SGTB: variants seen among roughly 807,000 people sequenced by gnomAD.
SGTB encodes small glutamine-rich tetratricopeptide repeat-containing protein beta.
In SGTB, 19 loss-of-function variants were observed where a neutral mutation model predicts 43.9. The ratio of observed to expected loss-of-function variants is 0.43; its 90% CI spans 0.30 to 0.63. The LOEUF (loss-of-function observed/expected upper bound fraction) is 0.63. Among genes scored for constraint, SGTB ranks in the 30% least tolerant of loss-of-function variants. SGTB has a pLI of 0.12. For synonymous variants in SGTB, 116 were observed against 117.3 expected (o/e 0.99, Z 0.07); for missense variants, 304 against 358.9 (o/e 0.85, Z 1.24).
chr5:65,675,643 A>G (rs182668971), intron 8 of SGTB, among the ~76,000 whole-genome samples: 33 of 152,322 alleles, frequency 2.2e-4, no homozygotes, highest in African/African-American at 6.5e-4. Flanking sequence ...CTAACAGCAG[A>G]TCTCTCAGCA....
intron 5 of SGTB, 139 bp from the exon 6 acceptor site, chr5:65,685,611 G>T: frequency 1.7e-6 from 1 of 605,596 alleles, no homozygotes; most frequent in Non-Finnish European, 2.8e-6. Flanking sequence ...AACTGTCTAA[G>T]ATAATTATGT....
intron 5 of SGTB, among the ~76,000 whole-genome samples, chr5:65,698,228 AT>A (rs1312760115): frequency 6.6e-6 from 1 of 152,306 alleles, no homozygotes; most frequent in South Asian, 2.1e-4. Context: ...AGATTTATGC[AT>A]TTTTTGTAAG....
At position 65,707,395 on chromosome 5, in the gene SGTB, T is replaced by TACACACACAC. The variant is rs35011866; in HGVS notation, c.274+1084_274+1093dup. Among the ~76,000 whole-genome samples, 542 of 133,676 alleles carry TACACACACAC rather than the reference T, an allele frequency of 4.1e-3. 4 individuals carry two copies. The highest frequency in any genetic ancestry group is 0.012 in the African/African-American group (432 of 35,874). 87.7% of individuals were successfully genotyped at this position (133,676 alleles called of 152,430 possible). On this transcript the variant is annotated intron_variant, in intron 4 of 10. Coordinates refer to ENST00000381007, the MANE Select transcript of SGTB (RefSeq NM_019072.3). ...CCTTTTTAGATACCAGCTGATTTTA[T>TACACACACAC]ACACACACACACACACACACACACA...
intron 5 of SGTB, among the ~76,000 whole-genome samples, chr5:65,691,934 G>GAA (rs70983684): frequency 2.4e-4 from 22 of 89,862 alleles, no homozygotes; most frequent in Non-Finnish European, 4.4e-4. Flanking sequence ...TCGTCTTAAA[G>GAA]AAAAAAAAAA....
rs568605787 is a variant in SGTB at position 65,690,885 on chromosome 5, C to T, written c.375-5413G>A. 2.6e-5 allele frequency among the ~76,000 whole-genome samples: 4 copies of T among 152,278 alleles called. No homozygotes were observed. In the East Asian group the frequency reaches 7.7e-4, roughly 29 times the overall value. ...ATTGATCCTAATTGTATATCAAAAA[C>T]AATTCAAATCACTTTTGAGCACAGT... On this transcript the variant is annotated intron_variant, in intron 5 of 10. Coordinates refer to ENST00000381007, the MANE Select transcript of SGTB (RefSeq NM_019072.3).
chr5:65,710,810 G>C (rs1019980852), intron 3 of SGTB, among the ~76,000 whole-genome samples: 1 of 151,872 alleles, frequency 6.6e-6, no homozygotes, highest in Non-Finnish European at 1.5e-5. Context: ...CCCAAGATGG[G>C]GAAACCCCGC....
At chr5:65,704,045 A>T (rs143987279) in intron 5 of SGTB, among the ~76,000 whole-genome samples, 28,002 of 124,906 alleles carry the variant, frequency 0.22, 2,733 homozygotes, top group Non-Finnish European at 0.25. Flanking sequence ...CAAAAAAAAA[A>T]AAAAAAATAA....
chr5:65,705,402 A>C (rs1211328731), intron 4 of SGTB, among the ~76,000 whole-genome samples: 3 of 152,168 alleles, frequency 2.0e-5, no homozygotes, highest in African/African-American at 7.2e-5. Flanking sequence ...GCAGTGAGCC[A>C]TGATTGTGCC....
At chr5:65,722,378 T>A, upstream of SGTB, 1 of 1,584,092 alleles carries the variant, frequency 6.3e-7, no homozygotes, top group South Asian at 1.2e-5. Context: ...GCTCCCATGA[T>A]CGCCCGGTGC....
chr5:65,670,098 G>A lies in SGTB; in HGVS notation c.*148C>T, dbSNP rs1757126502. On this transcript the variant is annotated 3_prime_UTR_variant, in exon 11 of 11. Coordinates refer to ENST00000381007, the MANE Select transcript of SGTB (RefSeq NM_019072.3). ...TTGTCTAAACAGATTTATTCTTTAA[G>A]AATATACACAAGAGGTTTTCCTCCA... 1.7e-6 allele frequency: 1 copy of A among 605,072 alleles called. No individual in the cohort carries two copies. The highest frequency in any genetic ancestry group is 1.9e-5 in the African/African-American group (1 of 53,394). The allele number at this position is 605,072 out of a possible 1,614,324, so 37.5% of individuals were successfully genotyped here. A position where few individuals can be genotyped will look rare whatever the true frequency, so the allele number is the denominator to read the frequency against.
chr5:65,722,257 T>G, upstream of SGTB: 1 of 692,538 alleles, frequency 1.4e-6, no homozygotes, highest in South Asian at 2.1e-5. Context: ...AGGCAGCCAC[T>G]GTGGCCTCTG....
intron 2 of SGTB, among the ~76,000 whole-genome samples, chr5:65,717,781 A>T (rs1461812503): frequency 6.6e-6 from 1 of 152,170 alleles, no homozygotes; most frequent in African/African-American, 2.4e-5. Context: ...CTTGAAGTTC[A>T]CAGTCATGAA....
At chr5:65,717,258 C>T (rs1290602401) in intron 2 of SGTB, among the ~76,000 whole-genome samples, 1 of 152,068 alleles carries the variant, frequency 6.6e-6, no homozygotes, top group Non-Finnish European at 1.5e-5. Context: ...CAAGTATAGA[C>T]CATTCTTTCA....
rs911194496 is a variant in SGTB at position 65,668,960 on chromosome 5, T to C, written c.*1286A>G. 21 of 152,288 alleles carry C rather than the reference T, an allele frequency of 1.4e-4. No individual in the cohort carries two copies. Among genetic ancestry groups the C allele is most frequent in the African/African-American group, 4.6e-4 (19 of 41,546 alleles). The allele number at this position is 152,288 out of a possible 1,614,324, so 9.4% of individuals were successfully genotyped here. A position where few individuals can be genotyped will look rare whatever the true frequency, so the allele number is the denominator to read the frequency against. ...CTTTTTCAGTTTTCCCTCGTAAAAC[T>C]TGTGAAGTCATTACATGTCAGCACC... On this transcript the variant is annotated 3_prime_UTR_variant, in exon 11 of 11. Coordinates refer to ENST00000381007, the MANE Select transcript of SGTB (RefSeq NM_019072.3).
intron 2 of SGTB, among the ~76,000 whole-genome samples, chr5:65,714,024 A>C (rs1941969139): frequency 1.3e-5 from 2 of 152,172 alleles, no homozygotes; most frequent in Admixed American, 6.6e-5. Context: ...ACTGCACTCC[A>C]GTACGGGTTG....
At chr5:65,680,422 TA>T (rs891635309) in intron 8 of SGTB, 71 bp downstream of exon 8, 131 of 1,512,758 alleles carry the variant, frequency 8.7e-5, no homozygotes, top group African/African-American at 5.0e-4. Context: ...CACTTGTTTC[TA>T]AAAAAAATTG....
At chr5:65,693,201 C>T (rs572227503) in intron 5 of SGTB, among the ~76,000 whole-genome samples, 23 of 137,832 alleles carry the variant, frequency 1.7e-4, no homozygotes, top group African/African-American at 5.2e-4. Flanking sequence ...CAGGATGGGA[C>T]GGGAAGGGAA....
intron 5 of SGTB, among the ~76,000 whole-genome samples, chr5:65,695,239 C>T (rs1472676559): frequency 6.6e-6 from 1 of 152,004 alleles, no homozygotes; most frequent in African/African-American, 2.4e-5. Context: ...AGAAAGACAC[C>T]CTGAAATCTG....
At chr5:65,683,277 A>G (rs1164364085) in intron 6 of SGTB, among the ~76,000 whole-genome samples, 1 of 152,174 alleles carries the variant, frequency 6.6e-6, no homozygotes, top group Non-Finnish European at 1.5e-5. Flanking sequence ...AAAAAGATAG[A>G]GCATCACCTT....
Sources: gnomAD v4.1 joint callset for allele counts (sites outside exome capture counted in the v4.1 genomes callset) on GRCh38, gnomAD v4.1.1 for gene constraint, MANE v1.5 for transcripts, NCBI Gene and HGNC (gene_info 2026-07-23, HGNC 2026-07-21) for gene names.